Variants in CDK19 observed in about 807,000 individuals in gnomAD.
The protein encoded by CDK19 is cyclin dependent kinase 19.
A neutral mutation model predicts 68.3 loss-of-function variants in CDK19; 20 were observed. The observed-to-expected ratio is 0.29, with a 90% CI of 0.21 to 0.43. CDK19 has a LOEUF of 0.43. Ranked by LOEUF, CDK19 falls within the 20% of genes least tolerant of loss-of-function variation. CDK19 has a pLI of 1.00. For missense variants in CDK19, 339 were observed against 623.5 expected, an observed-to-expected ratio of 0.54 and a Z score of 4.86; for synonymous variants, 221 against 222.8, an observed-to-expected ratio of 0.99 and a Z score of 0.07.
chr6:110,765,416 C>T (rs1051513230), intron 1 of CDK19, among the ~76,000 whole-genome samples: 1 of 151,476 alleles, frequency 6.6e-6, no homozygotes, highest in East Asian at 2.0e-4. Flanking sequence ...CGGTGGCTCA[C>T]GCCTGTAATT....
In CDK19 at chr6:110,635,845, C is replaced by T. The variant is rs974001770; in HGVS notation, c.514+2804G>A. Among the ~76,000 whole-genome samples the T allele has an allele frequency of 3.3e-5, 5 of 152,138 alleles. No homozygotes were observed. In the East Asian group the frequency reaches 7.7e-4, roughly 23 times the overall value. The stretch of plus-strand genomic sequence containing the variant: ...AGCCACTGTGCCCAGCCCAACTATC[C>T]TTTTCTTTTAAGCAAAAAACAACAC... On this transcript the variant is annotated intron_variant, in intron 5 of 12. Coordinates refer to ENST00000368911, the MANE Select transcript of CDK19 (RefSeq NM_015076.5).
intron 1 of CDK19, among the ~76,000 whole-genome samples, chr6:110,773,084 T>A (rs1780152561): frequency 6.7e-6 from 1 of 148,310 alleles, no homozygotes; most frequent in South Asian, 2.1e-4. Flanking sequence ...TATAAAAACA[T>A]ATTTTACAAG....
chr6:110,746,195 A>T lies in CDK19; in HGVS notation c.135T>A (p.Asp45Glu), dbSNP rs1462361150. The change falls in exon 2 of 13, where the codon GAT becomes GAA. Residue 45 changes from aspartate (D) to glutamate (E), a missense_variant. By Grantham distance (45) the Asp-to-Glu change is conservative. Coordinates refer to ENST00000368911, the MANE Select transcript of CDK19 (RefSeq NM_015076.5). ...VYKARRKDGK[D>E]EKEYALKQIE... ...TTTGCTTCAATGCATATTCCTTTTC[A>T]TCTTTTCTGCACATAAACAAAAAAA... is the stretch of plus-strand genomic sequence containing the variant. 6.3e-7 allele frequency: 1 copy of T among 1,594,324 alleles called. No homozygotes were observed. The highest frequency in any genetic ancestry group is 2.3e-5 in the East Asian group (1 of 44,060).
At chr6:110,676,153 G>C (rs1297410289) in intron 2 of CDK19, among the ~76,000 whole-genome samples, 2 of 152,212 alleles carry the variant, frequency 1.3e-5, no homozygotes, top group African/African-American at 4.8e-5. Flanking sequence ...ATTTTGAGGA[G>C]TTCAAGGTAT....
chr6:110,815,148 C>G lies in CDK19; in HGVS notation c.-12G>C. ...AAATCATAATCCATTGTCTGCTTCC[C>G]CCATAGAGGCACGGGACGCGGGGGC... On this transcript the variant is annotated 5_prime_UTR_variant, in exon 1 of 13. Coordinates refer to ENST00000368911, the MANE Select transcript of CDK19 (RefSeq NM_015076.5). 1.3e-6 allele frequency: 2 copies of G among 1,580,628 alleles called. No homozygotes were observed. The highest frequency in any genetic ancestry group is 1.7e-6 in the Non-Finnish European group (2 of 1,165,634).
At chr6:110,663,432 T>C (rs1258525014) in intron 4 of CDK19, among the ~76,000 whole-genome samples, 2 of 152,336 alleles carry the variant, frequency 1.3e-5, no homozygotes, top group South Asian at 2.1e-4. Context: ...TGAAAGTACT[T>C]TGGCAAAACC....
intron 2 of CDK19, among the ~76,000 whole-genome samples, chr6:110,680,574 A>T (rs969877264): frequency 2.0e-5 from 3 of 152,250 alleles, no homozygotes; most frequent in African/African-American, 7.2e-5. Flanking sequence ...ACAGTAAACA[A>T]CCTAAATGTT....
intron 2 of CDK19, among the ~76,000 whole-genome samples, chr6:110,725,660 G>A (rs1184995496): frequency 6.6e-6 from 1 of 152,134 alleles, no homozygotes; most frequent in East Asian, 1.9e-4. Flanking sequence ...TGCACTAACA[G>A]TCTCATAAGC....
chr6:110,792,960 A>C (rs1030634933), intron 1 of CDK19, among the ~76,000 whole-genome samples: 3 of 152,210 alleles, frequency 2.0e-5, no homozygotes, highest in Admixed American at 6.5e-5. Flanking sequence ...TTTGTCATCC[A>C]ACAGATCTTA....
chr6:110,775,059 A>C (rs1780301545), intron 1 of CDK19, among the ~76,000 whole-genome samples: 2 of 152,136 alleles, frequency 1.3e-5, no homozygotes, highest in Admixed American at 1.3e-4. Flanking sequence ...CATCCTGGCC[A>C]ACATGGTGAA....
chr6:110,734,185 T>C (rs1776996070), intron 2 of CDK19, among the ~76,000 whole-genome samples: 1 of 152,108 alleles, frequency 6.6e-6, no homozygotes, highest in African/African-American at 2.4e-5. Flanking sequence ...AATTTTTGTA[T>C]TTTTAGTAGA....
At chr6:110,656,351 TAATA>T (rs979383827) in intron 4 of CDK19, among the ~76,000 whole-genome samples, 1 of 152,156 alleles carries the variant, frequency 6.6e-6, no homozygotes, top group African/African-American at 2.4e-5. Context: ...AGAAATCCAG[TAATA>T]AATAAATAGC....
chr6:110,760,396 CAAAAAA>C (rs34613571), intron 1 of CDK19, among the ~76,000 whole-genome samples: 2 of 39,778 alleles, frequency 5.0e-5, no homozygotes, highest in Non-Finnish European at 8.9e-5. Context: ...GGCTTTGTCT[CAAAAAA>C]AAAAAAAAAA....
intron 1 of CDK19, among the ~76,000 whole-genome samples, chr6:110,757,695 AG>A (rs1284589706): frequency 6.6e-6 from 1 of 152,226 alleles, no homozygotes; most frequent in Non-Finnish European, 1.5e-5. Flanking sequence ...AATTAATTTC[AG>A]GTTGTTCAAG....
intron 1 of CDK19, among the ~76,000 whole-genome samples, chr6:110,807,548 C>T (rs1782763521): frequency 6.6e-6 from 1 of 152,138 alleles, no homozygotes; most frequent in East Asian, 1.9e-4. Context: ...CAGCTTCCAC[C>T]TCCCAGGTTC....
chr6:110,734,132 G>A (rs1279669125), intron 2 of CDK19, among the ~76,000 whole-genome samples: 1 of 151,808 alleles, frequency 6.6e-6, no homozygotes, highest in Non-Finnish European at 1.5e-5. Flanking sequence ...GCCTCAGCCT[G>A]CCAAGTAGCT....
intron 2 of CDK19, among the ~76,000 whole-genome samples, chr6:110,683,763 G>A (rs988328970): frequency 6.8e-6 from 1 of 147,718 alleles, no homozygotes; most frequent in Non-Finnish European, 1.5e-5. Flanking sequence ...GTACAGTGGC[G>A]TGATCTCAGC....
intron 2 of CDK19, among the ~76,000 whole-genome samples, chr6:110,740,132 G>A (rs1299741062): frequency 6.6e-6 from 1 of 151,154 alleles, no homozygotes; most frequent in Non-Finnish European, 1.5e-5. Context: ...AAAAAAAAAT[G>A]ATTACTTTTG....
chr6:110,737,830 AC>A (rs1777356353), intron 2 of CDK19, among the ~76,000 whole-genome samples: 1 of 152,130 alleles, frequency 6.6e-6, no homozygotes, highest in South Asian at 2.1e-4. Context: ...AGGAAAAAAA[AC>A]CCACATTTTT....
Sources: allele counts gnomAD v4.1 joint callset (sites outside exome capture counted in the v4.1 genomes callset), GRCh38; gene constraint gnomAD v4.1.1; transcripts MANE v1.5; gene names NCBI Gene and HGNC (gene_info 2026-07-23, HGNC 2026-07-21).